VRK2: variants seen among roughly 807,000 people sequenced by gnomAD.
VRK2 encodes VRK serine/threonine kinase 2, also known as serine/threonine-protein kinase VRK2.
A neutral mutation model predicts 57.6 loss-of-function variants in VRK2; 60 were observed. The ratio of observed to expected loss-of-function variants is 1.04; its 90% confidence interval spans 0.85 to 1.29. The LOEUF is 1.29. VRK2 is among the 50% of genes most tolerant of loss of function. The pLI is 0.00. For missense variants in VRK2, 705 were observed against 588.1 expected (o/e 1.20, Z -2.06); for synonymous variants, 231 against 199.2 (o/e 1.16, Z -1.35).
At chr2:58,003,494 C>G (rs1673149589) in intron 1 of VRK2, among the ~76,000 whole-genome samples, 1 of 151,876 alleles carries the variant, frequency 6.6e-6, no homozygotes, top group Admixed American at 6.6e-5. Context: ...TATAGAGTTT[C>G]CAGGGTTAGC....
intron 8 of VRK2, among the ~76,000 whole-genome samples, chr2:58,131,245 T>G (rs1466685094): frequency 6.6e-6 from 1 of 151,238 alleles, no homozygotes; most frequent in Admixed American, 6.6e-5. Context: ...TATTTTCATG[T>G]GATTGAAAAA....
intron 9 of VRK2, among the ~76,000 whole-genome samples, chr2:58,134,151 C>G (rs139211375): frequency 3.9e-4 from 59 of 152,228 alleles, no homozygotes; most frequent in South Asian, 8.3e-4. Context: ...AGAAGAGAGT[C>G]ATAGAAACCA....
chr2:58,107,177 ATAT>A (rs1319823622), intron 7 of VRK2, among the ~76,000 whole-genome samples: 1 of 152,158 alleles, frequency 6.6e-6, no homozygotes, highest in Non-Finnish European at 1.5e-5. Flanking sequence ...AGATAGGAAA[ATAT>A]TATTCCCTAT....
intron 2 of VRK2, among the ~76,000 whole-genome samples, chr2:58,081,436 A>T (rs1670853189): frequency 6.6e-6 from 1 of 151,834 alleles, no homozygotes; most frequent in Admixed American, 6.6e-5. Flanking sequence ...CATATTTTGT[A>T]TTTTTTTATT....
intron 2 of VRK2, among the ~76,000 whole-genome samples, chr2:58,032,696 T>C (rs755604035): frequency 3.3e-5 from 5 of 152,130 alleles, no homozygotes; most frequent in South Asian, 2.1e-4. Flanking sequence ...TAGGATAGGA[T>C]AGAATGTCCT....
At chr2:57,926,537 TATAG>T (rs1431957665) in intron 1 of VRK2, among the ~76,000 whole-genome samples, 3 of 150,918 alleles carry the variant, frequency 2.0e-5, no homozygotes, top group African/African-American at 4.9e-5. Context: ...TGTGTATATA[TATAG>T]AGAGAGAGAA....
At chr2:57,977,656 T>C (rs1672292967) in intron 1 of VRK2, among the ~76,000 whole-genome samples, 1 of 151,276 alleles carries the variant, frequency 6.6e-6, no homozygotes. Context: ...ACTGATATCA[T>C]CTGCAAAGAG....
chr2:58,048,811 C>G lies in VRK2; in HGVS notation c.-5-16C>G. ...TTTTTCTTTTTACCCATTTATCTCA[C>G]CCCTTCTGCCAACAGAAGTGATGCC... On this transcript the variant is annotated splice_polypyrimidine_tract_variant and intron_variant, in intron 1 of 12. Coordinates refer to ENST00000340157, the MANE Select transcript of VRK2 (RefSeq NM_006296.7). 6.2e-7 allele frequency: 1 copy of G among 1,611,986 alleles called. No homozygotes were observed. The highest frequency in any genetic ancestry group is 8.5e-7 in the Non-Finnish European group (1 of 1,179,020).
chr2:57,918,408 G>A (rs1353379668), intron 1 of VRK2, among the ~76,000 whole-genome samples: 1 of 151,964 alleles, frequency 6.6e-6, no homozygotes, highest in Non-Finnish European at 1.5e-5. Flanking sequence ...TATCCTGAGA[G>A]TTACCCTGGC....
At chr2:58,128,571 A>G (rs1437198612) in intron 8 of VRK2, among the ~76,000 whole-genome samples, 9 of 152,122 alleles carry the variant, frequency 5.9e-5, no homozygotes, top group Non-Finnish European at 1.3e-4. Context: ...ACCTCAGGTG[A>G]TCTGCCCACC....
chr2:58,069,422 C>G (rs982323944), intron 2 of VRK2, among the ~76,000 whole-genome samples: 4 of 152,048 alleles, frequency 2.6e-5, no homozygotes, highest in Non-Finnish European at 5.9e-5. Flanking sequence ...GGTGACGTTC[C>G]CAAGCTCTCT....
At chr2:58,130,080 T>C (rs1678953649) in intron 8 of VRK2, among the ~76,000 whole-genome samples, 1 of 152,064 alleles carries the variant, frequency 6.6e-6, no homozygotes, top group Non-Finnish European at 1.5e-5. Context: ...TGACTTGTCA[T>C]TACTTACAGC....
intron 1 of VRK2, among the ~76,000 whole-genome samples, chr2:57,974,902 T>C (rs989982774): frequency 1.3e-5 from 2 of 151,720 alleles, no homozygotes; most frequent in African/African-American, 4.8e-5. Flanking sequence ...ACACAGAAAC[T>C]TAAAAATTAC....
At chr2:57,960,668 G>A (rs961237583) in intron 1 of VRK2, among the ~76,000 whole-genome samples, 10 of 152,220 alleles carry the variant, frequency 6.6e-5, no homozygotes, top group African/African-American at 2.2e-4. Context: ...TGGGTGGATA[G>A]ATGCCATCTC....
In VRK2 at chr2:58,048,831, G is replaced by T; in HGVS notation, c.-1G>T. On this transcript the variant is annotated 5_prime_UTR_variant, in exon 2 of 13. Transcript: ENST00000340157. ...TCTCACCCCTTCTGCCAACAGAAGTGATGCCACCAAAAAGAAATGAAAAAT... is the reference window on the plus strand; with the variant it reads ...TCTCACCCCTTCTGCCAACAGAAGTTATGCCACCAAAAAGAAATGAAAAAT... 1 of 1,613,500 alleles carries T rather than the reference G, an allele frequency of 6.2e-7. No individual in the cohort carries two copies. Among genetic ancestry groups the T allele is most frequent in the Non-Finnish European group, 8.5e-7 (1 of 1,179,742 alleles).
intron 2 of VRK2, among the ~76,000 whole-genome samples, chr2:58,062,182 G>T (rs1462192996): frequency 6.6e-6 from 1 of 151,852 alleles, no homozygotes; most frequent in Non-Finnish European, 1.5e-5. Context: ...GATCTTTCTT[G>T]TGACTATCAT....
chr2:58,020,511 T>A (rs1328727181), intron 1 of VRK2, among the ~76,000 whole-genome samples: 1 of 152,264 alleles, frequency 6.6e-6, no homozygotes, highest in Non-Finnish European at 1.5e-5. Context: ...TGCTAAGATA[T>A]ACTGTTAAGT....
At chr2:57,926,111 T>C (rs1670523153) in intron 1 of VRK2, among the ~76,000 whole-genome samples, 1 of 152,006 alleles carries the variant, frequency 6.6e-6, no homozygotes, top group Non-Finnish European at 1.5e-5. Context: ...ATAATTTCTT[T>C]TTTTTATTTT....
chr2:58,011,927 C>A (rs910898459), intron 1 of VRK2, among the ~76,000 whole-genome samples: 2 of 152,100 alleles, frequency 1.3e-5, no homozygotes, highest in Admixed American at 1.3e-4. Flanking sequence ...GACACTAACT[C>A]TAGGATAGCA....
Sources: gnomAD v4.1 joint callset for allele counts (sites outside exome capture counted in the v4.1 genomes callset) on GRCh38, gnomAD v4.1.1 for gene constraint, MANE v1.5 for transcripts, NCBI Gene and HGNC (gene_info 2026-07-23, HGNC 2026-07-21) for gene names.